NF2: variants seen among roughly 807,000 people sequenced by gnomAD.
NF2 encodes NF2, moesin-ezrin-radixin like (MERLIN) tumor suppressor.
Under a neutral mutation model 83.7 loss-of-function variants are expected in NF2, and 8 were observed. The observed-to-expected ratio is 0.10, with a 90% CI of 0.06 to 0.17. NF2 has a LOEUF of 0.17. Ranked by LOEUF, NF2 falls within the 10% of genes least tolerant of loss-of-function variation. The pLI, the probability that NF2 is intolerant of heterozygous loss-of-function variation, is 1.00. For missense variants in NF2, 533 were observed against 744.4 expected, an observed-to-expected ratio of 0.72 and a Z score of 3.31; for synonymous variants, 266 against 269.6, an observed-to-expected ratio of 0.99 and a Z score of 0.13.
At chr22:29,652,345 C>T (rs1379933480) in intron 4 of NF2, among the ~76,000 whole-genome samples, 1 of 152,088 alleles carries the variant, frequency 6.6e-6, no homozygotes, top group Admixed American at 6.6e-5. Flanking sequence ...GCTCTTGTTG[C>T]CCAGGCTGTA....
intron 1 of NF2, among the ~76,000 whole-genome samples, chr22:29,633,626 C>G (rs2065572893): frequency 6.6e-6 from 1 of 152,196 alleles, no homozygotes; most frequent in African/African-American, 2.4e-5. Flanking sequence ...GACTTTGCAG[C>G]TTTTGGCTGA....
At chr22:29,655,039 T>C (rs529517150) in intron 5 of NF2, among the ~76,000 whole-genome samples, 11 of 152,206 alleles carry the variant, frequency 7.2e-5, no homozygotes, top group African/African-American at 2.4e-4. Context: ...GCTTGGGGAA[T>C]TGAGCTGTTT....
At chr22:29,655,538 A>C in intron 5 of NF2, 56 bp from the exon 6 acceptor site, 2 of 1,330,838 alleles carry the variant, frequency 1.5e-6, no homozygotes, top group Non-Finnish European at 2.2e-6. Flanking sequence ...AAAGTGGCAA[A>C]CAATACCAAA....
chr22:29,684,390 A>C (rs1225873240), intron 15 of NF2, among the ~76,000 whole-genome samples: 1 of 152,146 alleles, frequency 6.6e-6, no homozygotes, highest in African/African-American at 2.4e-5. Flanking sequence ...TTTTGTAACC[A>C]TGGGGGCAAG....
intron 3 of NF2, among the ~76,000 whole-genome samples, chr22:29,639,774 C>T (rs984024877): frequency 1.2e-4 from 18 of 144,410 alleles, no homozygotes; most frequent in Admixed American, 2.9e-4. Flanking sequence ...CCCAGCTACT[C>T]GGGAGGCTGA....
intron 15 of NF2, among the ~76,000 whole-genome samples, chr22:29,691,845 G>C (rs2067414536): frequency 1.3e-5 from 2 of 152,240 alleles, no homozygotes; most frequent in Admixed American, 6.5e-5. Context: ...GCTACCTGCA[G>C]GAAAGAAGCT....
chr22:29,670,503 T>TTGTGTGTG (rs131255), intron 10 of NF2, among the ~76,000 whole-genome samples: 18,089 of 146,290 alleles, frequency 0.12, 1,223 homozygotes, highest in African/African-American at 0.18. Context: ...CTTTTTGAGC[T>TTGTGTGTG]TGTGTGTGTG....
rs2147189575 is a variant in NF2, at chr22:29,698,428, C to T, written c.*3626C>T. 9.0e-6 allele frequency: 2 copies of T among 221,214 alleles called. No homozygotes were observed. Among genetic ancestry groups the T allele is most frequent in the East Asian group, 1.3e-4 (2 of 15,362 alleles). 13.7% of individuals were successfully genotyped at this position (221,214 alleles called of 1,614,324 possible). A position where few individuals can be genotyped will look rare whatever the true frequency, so the allele number is the denominator to read the frequency against. On this transcript the variant is annotated 3_prime_UTR_variant, in exon 16 of 16. Transcript: ENST00000338641. ...TGACCCTGGGCCCAAGCCAGCCCCT[C>T]CAGGGCTTTCAGGGAAGCGCCATCC...
At chr22:29,674,541 G>A (rs1343868002) in intron 12 of NF2, among the ~76,000 whole-genome samples, 1 of 152,196 alleles carries the variant, frequency 6.6e-6, no homozygotes, top group East Asian at 1.9e-4. Context: ...AGCTGCTGGT[G>A]CCCTCTCCAG....
chr22:29,689,978 G>T (rs2067363684), intron 15 of NF2, among the ~76,000 whole-genome samples: 1 of 152,266 alleles, frequency 6.6e-6, no homozygotes, highest in African/African-American at 2.4e-5. Context: ...GCTGGAAGGA[G>T]AGTTGGCCGT....
intron 15 of NF2, among the ~76,000 whole-genome samples, chr22:29,686,361 CG>C (rs1460828668): frequency 6.6e-6 from 1 of 152,222 alleles, no homozygotes; most frequent in Non-Finnish European, 1.5e-5. Flanking sequence ...CATAATTGGC[CG>C]GGCACAGTGG....
rs116551071 is a variant in NF2 at position 29,662,278 on chromosome 22, G to A, written c.810+939G>A. On this transcript the variant is annotated intron_variant, in intron 8 of 15. Transcript: ENST00000338641. ...GCCTCCCAGGTAACAGACTACAGGC[G>A]TGTGCCACCACATCTGGCTAATTTT... 8.6e-3 allele frequency among the ~76,000 whole-genome samples: 1,312 copies of A among 152,212 alleles called. 16 individuals are homozygous for A. The highest frequency in any genetic ancestry group is 0.03 in the African/African-American group (1,247 of 41,514).
chr22:29,643,292 ATTT>A (rs1194773468), intron 4 of NF2, among the ~76,000 whole-genome samples: 1 of 137,842 alleles, frequency 7.3e-6, no homozygotes, highest in Non-Finnish European at 1.6e-5. Context: ...TACTTGTGTG[ATTT>A]TTTTTTTTTT....
chr22:29,692,382 G>T (rs2067430508), intron 15 of NF2, among the ~76,000 whole-genome samples: 1 of 152,190 alleles, frequency 6.6e-6, no homozygotes, highest in South Asian at 2.1e-4. Flanking sequence ...CTCAGGTGGG[G>T]CTCAGGAAGC....
chr22:29,683,521 C>T, intron 15 of NF2: 1 of 1,124,310 alleles, frequency 8.9e-7, no homozygotes, highest in Non-Finnish European at 1.1e-6. Flanking sequence ...TCACACCTGG[C>T]AGCTTCTGGT....
rs752664255 is a variant in NF2, at chr22:29,636,771, C to T, written c.135C>T (p.Asp45=). ...FNCEMKWKGK[D]LFDLVCRTLG... The stretch of plus-strand genomic sequence containing the variant: ...TGCAGATGAAGTGGAAAGGGAAGGA[C>T]CTCTTTGATTTGGTGTGCCGGACTC... Residue 45 remains aspartate (D), a synonymous_variant, in exon 2 of 16, where the codon GAC becomes GAT. Coordinates refer to ENST00000338641, the MANE Select transcript of NF2 (RefSeq NM_000268.4). The surrounding 1 kb of genome is among the most constrained non-coding windows in gnomAD (Gnocchi z 4.4). The T allele has an allele frequency of 1.9e-5, 31 of 1,614,146 alleles. No homozygotes were observed. The highest frequency in any genetic ancestry group is 2.6e-5 in the Non-Finnish European group (31 of 1,180,032).
At chr22:29,613,992 C>T (rs552533756) in intron 1 of NF2, among the ~76,000 whole-genome samples, 4 of 150,700 alleles carry the variant, frequency 2.7e-5, no homozygotes, top group South Asian at 2.1e-4. Context: ...CTCCTGACCT[C>T]GTGATCCACC....
intron 1 of NF2, among the ~76,000 whole-genome samples, chr22:29,610,726 A>G (rs2064931585): frequency 6.6e-6 from 1 of 152,158 alleles, no homozygotes. Flanking sequence ...TCACCACTGA[A>G]TTCTATCAAA....
chr22:29,678,136 A>T, intron 13 of NF2, 60 bp from the exon 14 acceptor site: 3 of 1,609,986 alleles, frequency 1.9e-6, no homozygotes, highest in South Asian at 2.2e-5. Context: ...TTGTCAACAC[A>T]GTAGTGTCCT....
Sources: allele counts gnomAD v4.1 joint callset (sites outside exome capture counted in the v4.1 genomes callset), GRCh38; gene constraint gnomAD v4.1.1; non-coding constraint Gnocchi (gnomAD v3.1); transcripts MANE v1.5; gene names NCBI Gene and HGNC (gene_info 2026-07-23, HGNC 2026-07-21).